THAP12: variants seen among roughly 807,000 people sequenced by gnomAD.
THAP12 encodes 52 kDa repressor of the inhibitor of the protein kinase.
THAP12 carries 20 observed loss-of-function variants against 63.0 expected under a neutral mutation model. The ratio of observed to expected loss-of-function variants is 0.32; its 90% confidence interval spans 0.22 to 0.46. The LOEUF (loss-of-function observed/expected upper bound fraction) is 0.46, where lower values mean the gene tolerates loss of function less well. THAP12 is among the 20% of genes least tolerant of loss of function. The probability of loss-of-function intolerance (pLI) is 1.00; values close to 1 mark genes in which losing one functional copy is unlikely to be tolerated. For missense variants in THAP12, 568 were observed against 908.2 expected (o/e 0.63, Z 4.81); for synonymous variants, 264 against 328.4 (o/e 0.80, Z 2.12).
At position 76,368,287 on chromosome 11, in the gene THAP12, C is replaced by A. The variant is rs999620789; in HGVS notation, c.90-2315G>T. Reference sequence around the variant, plus strand: ...TAAATCTAGTGAAAGAAGTGCAAGACCTCTAATAATCTTTTTAAAGCAAAC... The same window carrying A: ...TAAATCTAGTGAAAGAAGTGCAAGAACTCTAATAATCTTTTTAAAGCAAAC... On this transcript the variant is annotated intron_variant, in intron 1 of 4. Coordinates refer to ENST00000260045, the MANE Select transcript of THAP12 (RefSeq NM_004705.4). Among the ~76,000 whole-genome samples the A allele has an allele frequency of 2.0e-5, 3 of 152,148 alleles. No individual in the cohort carries two copies. In the South Asian group the frequency reaches 6.2e-4, roughly 31 times the overall value.
intron 3 of THAP12, chr11:76,359,255 G>C (rs1338508734): frequency 6.6e-6 from 1 of 152,022 alleles, no homozygotes; most frequent in Non-Finnish European, 1.5e-5. Context: ...ACTCCTAAAA[G>C]TATTCTAATA....
chr11:76,371,798 T>C (rs926124978), intron 1 of THAP12, among the ~76,000 whole-genome samples: 12 of 145,178 alleles, frequency 8.3e-5, no homozygotes, highest in African/African-American at 3.1e-4. Context: ...TTTTATTTCA[T>C]TTTTAACTTT....
intron 1 of THAP12, among the ~76,000 whole-genome samples, chr11:76,371,688 CCAAGGAGG>C (rs148070424): frequency 0.038 from 5,777 of 152,188 alleles, 142 homozygotes; most frequent in East Asian, 0.08. Flanking sequence ...TTAATCAATG[CCAAGGAGG>C]CTCCTACTCT....
At chr11:76,362,325 G>T (rs1229732425) in intron 2 of THAP12, among the ~76,000 whole-genome samples, 1 of 152,176 alleles carries the variant, frequency 6.6e-6, no homozygotes. Context: ...TTCTAAATTT[G>T]TTCACCCAAG....
intron 1 of THAP12, among the ~76,000 whole-genome samples, chr11:76,376,576 C>G (rs1363604223): frequency 2.0e-5 from 3 of 148,798 alleles, no homozygotes; most frequent in Admixed American, 6.7e-5. Flanking sequence ...TATAAAGGCC[C>G]ATAAACATCT....
Position 76,365,851 on chromosome 11 carries a change from C to G in THAP12, c.210+1G>C. 1 of 1,611,238 alleles carries G rather than the reference C, an allele frequency of 6.2e-7. No individual in the cohort carries two copies. The highest frequency in any genetic ancestry group is 8.5e-7 in the Non-Finnish European group (1 of 1,178,998). ...AGACACCAAGCTCTTCTATTACTCA[C>G]AGTTCTACAGATCATAGAGGTCTCA... On this transcript the variant is annotated splice_donor_variant, in intron 2 of 4. Coordinates refer to ENST00000260045, the MANE Select transcript of THAP12 (RefSeq NM_004705.4). LOFTEE classifies it high-confidence loss of function.
Position 76,376,168 on chromosome 11 carries a change from C to T in THAP12, c.89+4580G>A, listed in dbSNP as rs1946708487. Among the ~76,000 whole-genome samples the T allele has an allele frequency of 2.6e-5, 4 of 152,192 alleles. No individual in the cohort carries two copies. In the South Asian group the frequency reaches 8.3e-4, roughly 31 times the overall value. The stretch of plus-strand genomic sequence containing the variant: ...AACACTGTGAATGTAATTAACGCCA[C>T]TGAATTGCACACTTAAAGGTTAAAT... On this transcript the variant is annotated intron_variant, in intron 1 of 4. Coordinates refer to ENST00000260045, the MANE Select transcript of THAP12 (RefSeq NM_004705.4).
At position 76,352,738 on chromosome 11, in the gene THAP12, G is replaced by C. The variant is rs746861158; in HGVS notation, c.412C>G (p.Gln138Glu). 15 of 1,581,694 alleles carry C rather than the reference G, an allele frequency of 9.5e-6. No individual in the cohort carries two copies. Among genetic ancestry groups the C allele is most frequent in the Non-Finnish European group, 1.3e-5 (15 of 1,167,062 alleles). Residue 138 changes from glutamine (Q) to glutamate (E), a missense_variant, in exon 5 of 5, where the codon CAG (glutamine) becomes GAG (glutamate). Coordinates refer to ENST00000260045, the MANE Select transcript of THAP12 (RefSeq NM_004705.4). ...KHKETNNSNA[Q>E]NPSEEEGEGQ... ...TCACCCTCTTCTTCGCTGGGGTTCT[G>C]AGCATTGCTATTGTTGGTTTCTTTA...
At chr11:76,376,268 T>C (rs531893457) in intron 1 of THAP12, among the ~76,000 whole-genome samples, 1 of 152,334 alleles carries the variant, frequency 6.6e-6, no homozygotes, top group East Asian at 1.9e-4. Context: ...TTTACATGGG[T>C]GAATTATATG....
In THAP12 at chr11:76,361,007, G is replaced by A. The variant is rs1339401339; in HGVS notation, c.267C>T (p.Thr89=). Residue 89 remains threonine, a synonymous_variant, in exon 3 of 5, where the codon ACC becomes ACT. Transcript: ENST00000260045. ...DNAIPTIFDL[T]SHLNNPHSRH... Reference sequence around the variant, plus strand: ...TACTATGTGGGTTGTTCAAATGACTGGTAAGATCAAATATTGTTGGTATTG... The same window carrying A: ...TACTATGTGGGTTGTTCAAATGACTAGTAAGATCAAATATTGTTGGTATTG... The A allele has an allele frequency of 1.2e-6, 2 of 1,610,912 alleles. No homozygotes were observed. Among genetic ancestry groups the A allele is most frequent in the Non-Finnish European group, 1.7e-6 (2 of 1,178,946 alleles).
chr11:76,366,797 A>T (rs1810633425), intron 1 of THAP12, among the ~76,000 whole-genome samples: 1 of 152,178 alleles, frequency 6.6e-6, no homozygotes, highest in South Asian at 2.1e-4. Context: ...CTACAGTAAT[A>T]CGTGCTGACT....
rs1231789495 is a variant in THAP12 at position 76,352,106 on chromosome 11, TA to T, written c.1043del (p.Leu348Ter). The T allele has an allele frequency of 1.2e-6, 2 of 1,611,622 alleles. No homozygotes were observed. The highest frequency in any genetic ancestry group is 8.5e-7 in the Non-Finnish European group (1 of 1,179,716). On this transcript the variant is annotated frameshift_variant, in exon 5 of 5. Transcript: ENST00000260045. LOFTEE classifies it high-confidence loss of function. ...SKMKVVASRL[L>X]EKYPQAIYTL... is the part of the protein sequence containing the mutation. ...TGTAGATAGCTTGGGGATATTTCTCTAAAAGTCTAGAAGCAACAACTTTCAT... is the reference window on the plus strand; with the variant it reads ...TGTAGATAGCTTGGGGATATTTCTCTAAAGTCTAGAAGCAACAACTTTCAT...
At chr11:76,370,830 G>GAAAA (rs371784735) in intron 1 of THAP12, among the ~76,000 whole-genome samples, 87 of 135,548 alleles carry the variant, frequency 6.4e-4, no homozygotes, top group African/African-American at 2.3e-3. Context: ...CAAAAAAAAA[G>GAAAA]AAAAAAAAAA....
Position 76,381,023 on chromosome 11 carries a change from T to G in THAP12, c.-187A>C. Reference sequence around the variant, plus strand: ...GGGGTGCCGCGGTCCGAGGCCGGGCTGGGGACGCGGCTCCACAGTGCTGTG... The same window carrying G: ...GGGGTGCCGCGGTCCGAGGCCGGGCGGGGGACGCGGCTCCACAGTGCTGTG... On this transcript the variant is annotated 5_prime_UTR_variant, in exon 1 of 5. Coordinates refer to ENST00000260045, the MANE Select transcript of THAP12 (RefSeq NM_004705.4). 8.6e-6 allele frequency: 2 copies of G among 233,232 alleles called. No homozygotes were observed. The allele number at this position is 233,232 out of a possible 1,614,324, so 14.4% of individuals were successfully genotyped here.
At chr11:76,361,917 T>C (rs1158500032) in intron 2 of THAP12, among the ~76,000 whole-genome samples, 1 of 152,254 alleles carries the variant, frequency 6.6e-6, no homozygotes, top group Non-Finnish European at 1.5e-5. Flanking sequence ...CAAGTGATAC[T>C]GATATACATA....
At chr11:76,379,484 C>T (rs4944106) in intron 1 of THAP12, among the ~76,000 whole-genome samples, 1 of 152,188 alleles carries the variant, frequency 6.6e-6, no homozygotes, top group South Asian at 2.1e-4. Context: ...CTGGTCTCAT[C>T]TCACCTCTCT....
intron 2 of THAP12, among the ~76,000 whole-genome samples, chr11:76,363,743 C>G (rs1026494861): frequency 6.6e-6 from 1 of 152,138 alleles, no homozygotes; most frequent in Non-Finnish European, 1.5e-5. Context: ...TGTGCACCGC[C>G]ATGCCCAGCA....
At chr11:76,362,938 T>C (rs1946607239) in intron 2 of THAP12, among the ~76,000 whole-genome samples, 1 of 151,882 alleles carries the variant, frequency 6.6e-6, no homozygotes, top group South Asian at 2.1e-4. Context: ...ACCCCAGGAG[T>C]TCAAGACCAG....
At chr11:76,374,115 C>A (rs142319215) in intron 1 of THAP12, among the ~76,000 whole-genome samples, 35 of 152,106 alleles carry the variant, frequency 2.3e-4, no homozygotes, top group African/African-American at 8.0e-4. Flanking sequence ...AGCCTCATAA[C>A]GATATGCAGT....
Sources: gnomAD v4.1 joint callset for allele counts (sites outside exome capture counted in the v4.1 genomes callset) on GRCh38, gnomAD v4.1.1 for gene constraint, MANE v1.5 for transcripts, NCBI Gene and HGNC (gene_info 2026-07-23, HGNC 2026-07-21) for gene names.